Variants in CCDC40 observed in about 807,000 individuals in gnomAD.
CCDC40 encodes coiled-coil domain 40 molecular ruler complex subunit.
A neutral mutation model predicts 124.5 loss-of-function variants in CCDC40; 104 were observed. The observed-to-expected ratio is 0.84, with a 90% CI of 0.71 to 0.98. The LOEUF is 0.98. Among genes scored for constraint, CCDC40 ranks in the 50% least tolerant of loss-of-function variants. CCDC40 has a pLI of 0.00. For missense variants in CCDC40, 1,463 were observed against 1,503.9 expected (o/e 0.97, Z 0.45); for synonymous variants, 580 against 602.9 (o/e 0.96, Z 0.56).
At chr17:80,091,521 AC>A (rs2038723414) in intron 17 of CCDC40, among the ~76,000 whole-genome samples, 1 of 74,650 alleles carries the variant, frequency 1.3e-5, no homozygotes, top group Non-Finnish European at 2.7e-5. Flanking sequence ...GTGTTCCCCC[AC>A]CCCCACCCCG....
intron 10 of CCDC40, among the ~76,000 whole-genome samples, chr17:80,070,728 T>C (rs2038166769): frequency 1.3e-5 from 2 of 151,576 alleles, no homozygotes; most frequent in Admixed American, 1.3e-4. Context: ...GCCGAGATGG[T>C]GCCACTGCAC....
intron 10 of CCDC40, among the ~76,000 whole-genome samples, chr17:80,070,655 C>A (rs1391768526): frequency 6.6e-6 from 1 of 151,976 alleles, no homozygotes; most frequent in East Asian, 1.9e-4. Context: ...GACCTGTAGT[C>A]CCACCTACTC....
chr17:80,080,875 T>A (rs2038430913), intron 10 of CCDC40, among the ~76,000 whole-genome samples: 4 of 152,182 alleles, frequency 2.6e-5, no homozygotes, highest in Admixed American at 2.6e-4. Context: ...TGACTACAGT[T>A]CACGGTAAGT....
chr17:80,082,228 G>A (rs1302661810), intron 12 of CCDC40, among the ~76,000 whole-genome samples, 170 bp downstream of exon 12: 3 of 260 alleles, frequency 0.012, no homozygotes, highest in Non-Finnish European at 0.028. Flanking sequence ...TTTTACTGTA[G>A]AAAACCTAGA....
intron 17 of CCDC40, chr17:80,090,378 G>T: frequency 9.0e-7 from 1 of 1,106,070 alleles, no homozygotes; most frequent in Non-Finnish European, 1.3e-6. Flanking sequence ...ACGAACACAG[G>T]ACACACACAG....
chr17:80,090,707 A>G, intron 17 of CCDC40: 1 of 1,415,778 alleles, frequency 7.1e-7, no homozygotes, highest in Non-Finnish European at 9.2e-7. Flanking sequence ...ATTGCCTTTA[A>G]AAGGCTGGTA....
chr17:80,056,012 A>ATTTTTTT (rs1278622929), intron 7 of CCDC40, among the ~76,000 whole-genome samples: 162 of 14,116 alleles, frequency 0.011, 10 homozygotes, highest in Non-Finnish European at 0.016. Context: ...ATATATATAT[A>ATTTTTTT]TATATTTTTT....
chr17:80,055,830 T>C (rs2037720146), intron 7 of CCDC40, among the ~76,000 whole-genome samples: 1 of 151,046 alleles, frequency 6.6e-6, no homozygotes, highest in East Asian at 1.9e-4. Flanking sequence ...TGTTTTTGTT[T>C]TCTTCGAGAC....
Position 80,066,649 on chromosome 17 carries a change from G to A in CCDC40, c.1562+1043G>A, listed in dbSNP as rs2038054592. 2 of 161,462 alleles carry A rather than the reference G, an allele frequency of 1.2e-5. No individual in the cohort carries two copies. Among genetic ancestry groups the A allele is most frequent in the Admixed American group, 1.2e-4 (2 of 16,296 alleles). 10.0% of individuals were successfully genotyped at this position (161,462 alleles called of 1,614,324 possible). On this transcript the variant is annotated intron_variant, in intron 10 of 19. Coordinates refer to ENST00000397545, the MANE Select transcript of CCDC40 (RefSeq NM_017950.4). The surrounding 1 kb of genome is among the most constrained non-coding windows in gnomAD (Gnocchi z 4.4). The stretch of plus-strand genomic sequence containing the variant: ...GGGCGCCTGTAATCCCCGCTACTCG[G>A]GAGGGTGAGACAGAGAACTGCTTGA...
intron 10 of CCDC40, among the ~76,000 whole-genome samples, chr17:80,080,512 G>A (rs573929867): frequency 1.3e-5 from 2 of 152,218 alleles, no homozygotes; most frequent in Non-Finnish European, 2.9e-5. Flanking sequence ...AATAGAATTT[G>A]AAGTGGGCCC....
chr17:80,097,639 G>C (rs971231002), intron 19 of CCDC40: 1 of 568,858 alleles, frequency 1.8e-6, no homozygotes, highest in Non-Finnish European at 3.2e-6. Context: ...TTCAGCGTGC[G>C]AGGGTTACAA....
Position 80,086,355 on chromosome 17 carries a change from C to T in CCDC40, c.2449+139C>T. On this transcript the variant is annotated intron_variant, in intron 14 of 19. Transcript: ENST00000397545. The surrounding 1 kb of genome is among the most constrained non-coding windows in gnomAD (Gnocchi z 5.5). ...TAAAAGCAAATAACAAACGCGCATG[C>T]TCCCTGTATTTTGTAAATGTGAACC... The T allele has an allele frequency of 1.4e-6, 1 of 706,300 alleles. No homozygotes were observed. Among genetic ancestry groups the T allele is most frequent in the South Asian group, 1.6e-5 (1 of 63,112 alleles). 43.8% of individuals were successfully genotyped at this position (706,300 alleles called of 1,614,324 possible).
chr17:80,099,630 T>G lies in CCDC40; in HGVS notation c.3284T>G (p.Leu1095Arg). 1 of 1,613,732 alleles carries G rather than the reference T, an allele frequency of 6.2e-7. No individual in the cohort carries two copies. Among genetic ancestry groups the G allele is most frequent in the Non-Finnish European group, 8.5e-7 (1 of 1,180,028 alleles). ...FLFRSKQSLV[L>R]ERQRLDKRLA... The stretch of plus-strand genomic sequence containing the variant: ...TTCCGCTCCAAGCAGTCCCTAGTGC[T>G]GGAGCGCCAGCGCCTGGACAAGCGA... Residue 1095 changes from leucine to arginine, a missense_variant, in exon 20 of 20, where the codon CTG (leucine) becomes CGG (arginine). Leu to Arg is a moderately radical substitution (Grantham distance 102). Transcript: ENST00000397545.
intron 18 of CCDC40, 140 bp from the exon 19 acceptor site, chr17:80,097,105 C>G (rs1224044123): frequency 3.2e-6 from 3 of 933,090 alleles, no homozygotes; most frequent in Non-Finnish European, 5.2e-6. Flanking sequence ...CCTCGCCTCT[C>G]CAGCCCTCCC....
At chr17:80,040,321 T>A (rs544641073) in intron 3 of CCDC40, 51 bp downstream of exon 3, 1 of 1,523,080 alleles carries the variant, frequency 6.6e-7, no homozygotes, top group African/African-American at 1.4e-5. Context: ...GCCCACGGGG[T>A]TTGTCACCCT....
At position 80,058,421 on chromosome 17, in the gene CCDC40, T is replaced by A; in HGVS notation, c.1160-73T>A. 7.0e-7 allele frequency: 1 copy of A among 1,425,710 alleles called. No individual in the cohort carries two copies. The highest frequency in any genetic ancestry group is 9.8e-7 in the Non-Finnish European group (1 of 1,016,048). 88.3% of individuals were successfully genotyped at this position (1,425,710 alleles called of 1,614,324 possible). A position where few individuals can be genotyped will look rare whatever the true frequency, so the allele number is the denominator to read the frequency against. On this transcript the variant is annotated intron_variant, in intron 7 of 19. Coordinates refer to ENST00000397545, the MANE Select transcript of CCDC40 (RefSeq NM_017950.4). This position sits in a 1 kb window ranked among gnomAD's most constrained non-coding sequence, Gnocchi z 4.2. ...CGGCTGTTCCCTGCTTCCTCCTGGG[T>A]CTCTGCATGGGGGACGCTGGGACAG...
Position 80,067,619 on chromosome 17 carries a change from G to A in CCDC40, c.1562+2013G>A, listed in dbSNP as rs770851537. Reference sequence around the variant, plus strand: ...GGGGAAGCTTCCTGCCCGGGGCATCGAGGGCGTTCGCGTCCGTCTGTTATG... The same window carrying A: ...GGGGAAGCTTCCTGCCCGGGGCATCAAGGGCGTTCGCGTCCGTCTGTTATG... On this transcript the variant is annotated intron_variant, in intron 10 of 19. Transcript: ENST00000397545. 15 of 1,536,130 alleles carry A rather than the reference G, an allele frequency of 9.8e-6. 1 individual carries two copies. Among genetic ancestry groups the A allele is most frequent in the African/African-American group, 6.8e-5 (5 of 73,044 alleles).
intron 9 of CCDC40, among the ~76,000 whole-genome samples, chr17:80,063,986 A>G (rs1403770170): frequency 6.6e-6 from 1 of 152,222 alleles, no homozygotes; most frequent in Admixed American, 6.5e-5. Context: ...GTAACATGTC[A>G]GCTAAAATAA....
Position 80,048,590 on chromosome 17 carries a change from C to T in CCDC40, c.684C>T (p.Pro228=). ...EEFVSQEPVI[P]PGVPDAHPRE... is the part of the protein sequence containing the mutation. ...CGCTGTCTCTCCCCCCAGTGATCCC[C>T]CCAGGGGTGCCCGATGCCCACCCCA... The change falls in exon 5 of 20, where the codon CCC becomes CCT. Residue 228 remains proline (P), a synonymous_variant. Coordinates refer to ENST00000397545, the MANE Select transcript of CCDC40 (RefSeq NM_017950.4). 1 of 1,613,478 alleles carries T rather than the reference C, an allele frequency of 6.2e-7. No individual in the cohort carries two copies. The highest frequency in any genetic ancestry group is 8.5e-7 in the Non-Finnish European group (1 of 1,179,754).
Sources: allele counts gnomAD v4.1 joint callset (sites outside exome capture counted in the v4.1 genomes callset), GRCh38; gene constraint gnomAD v4.1.1; non-coding constraint Gnocchi (gnomAD v3.1); transcripts MANE v1.5; gene names NCBI Gene and HGNC (gene_info 2026-07-23, HGNC 2026-07-21).